SORCS2: variants seen among roughly 807,000 people sequenced by gnomAD.
SORCS2 encodes sortilin related VPS10 domain containing receptor 2.
In SORCS2, 100 loss-of-function variants were observed where a neutral mutation model predicts 141.6. The observed-to-expected ratio is 0.71, with a 90% confidence interval of 0.60 to 0.83. SORCS2 has a LOEUF of 0.83. Ranked by LOEUF, SORCS2 falls within the 40% of genes least tolerant of loss-of-function variation. SORCS2 has a pLI of 0.00. For synonymous variants in SORCS2, 789 were observed against 676.9 expected (o/e 1.17, Z -2.57); for missense variants, 1,646 against 1,560.2 (o/e 1.05, Z -0.93).
At chr4:7,723,317 G>A (rs1467577433) in intron 18 of SORCS2, among the ~76,000 whole-genome samples, 1 of 152,130 alleles carries the variant, frequency 6.6e-6, no homozygotes, top group Admixed American at 6.6e-5. Context: ...TCCTCGCAGT[G>A]GGAGGCCCCT....
At chr4:7,554,170 A>C (rs569620661) in intron 3 of SORCS2, among the ~76,000 whole-genome samples, 17 of 152,266 alleles carry the variant, frequency 1.1e-4, no homozygotes, top group African/African-American at 4.1e-4. Flanking sequence ...ACTACATATC[A>C]TGGGGAGGAC....
intron 4 of SORCS2, among the ~76,000 whole-genome samples, chr4:7,643,240 C>G (rs930560994): frequency 2.6e-5 from 4 of 152,170 alleles, no homozygotes; most frequent in Non-Finnish European, 5.9e-5. Context: ...TCTTCCAAGG[C>G]TCAGCCGACT....
Position 7,728,346 on chromosome 4 carries a change from C to T in SORCS2, c.2870-4C>T, listed in dbSNP as rs1235889714. The T allele has an allele frequency of 6.2e-7, 1 of 1,610,350 alleles. No individual in the cohort carries two copies. The highest frequency in any genetic ancestry group is 8.5e-7 in the Non-Finnish European group (1 of 1,177,362). On this transcript the variant is annotated splice_region_variant and splice_polypyrimidine_tract_variant and intron_variant, in intron 21 of 26. Transcript: ENST00000507866. Reference sequence around the variant, plus strand: ...ACCAGTCTCCCTTCTCTGCGTCTTTCCAGATCAATTTCAAGTCATGCCTCT... The same window carrying T: ...ACCAGTCTCCCTTCTCTGCGTCTTTTCAGATCAATTTCAAGTCATGCCTCT...
chr4:7,605,931 G>T (rs182774238), intron 3 of SORCS2, among the ~76,000 whole-genome samples: 1 of 152,286 alleles, frequency 6.6e-6, no homozygotes, highest in Admixed American at 6.5e-5. Context: ...CTCTGTGGAG[G>T]TGACCCCCAG....
intron 1 of SORCS2, among the ~76,000 whole-genome samples, chr4:7,254,515 C>G (rs966755144): frequency 1.3e-5 from 2 of 151,976 alleles, no homozygotes; most frequent in African/African-American, 4.8e-5. Context: ...AGTGGAGACT[C>G]GGATGGGTGG....
intron 2 of SORCS2, among the ~76,000 whole-genome samples, chr4:7,515,945 G>C (rs1243299915): frequency 6.6e-6 from 1 of 152,186 alleles, no homozygotes; most frequent in Admixed American, 6.5e-5. Context: ...ACTCATGGGA[G>C]GGGTCCAATG....
At chr4:7,688,577 C>T (rs965074759) in intron 10 of SORCS2, among the ~76,000 whole-genome samples, 5 of 152,164 alleles carry the variant, frequency 3.3e-5, no homozygotes, top group Admixed American at 6.5e-5. Context: ...GAAAGAAAGG[C>T]ACAGAGAGGC....
chr4:7,593,384 T>C (rs1053806018), intron 3 of SORCS2, among the ~76,000 whole-genome samples: 1 of 152,184 alleles, frequency 6.6e-6, no homozygotes, highest in Non-Finnish European at 1.5e-5. Context: ...CGGGAGGTAC[T>C]GTTGCAGTCT....
chr4:7,600,045 C>T (rs923533770), intron 3 of SORCS2, among the ~76,000 whole-genome samples: 1 of 152,068 alleles, frequency 6.6e-6, no homozygotes, highest in Non-Finnish European at 1.5e-5. Context: ...TGATCTTGAA[C>T]TCCTGACCTC....
At chr4:7,376,738 T>G (rs144212796) in intron 1 of SORCS2, among the ~76,000 whole-genome samples, 1 of 152,344 alleles carries the variant, frequency 6.6e-6, no homozygotes, top group East Asian at 1.9e-4. Context: ...TGAATAAACT[T>G]TTTACGACTT....
At chr4:7,362,518 C>T (rs1721638031) in intron 1 of SORCS2, among the ~76,000 whole-genome samples, 1 of 152,208 alleles carries the variant, frequency 6.6e-6, no homozygotes, top group Admixed American at 6.5e-5. Context: ...CAACACCCAT[C>T]TGGCCATTGG....
chr4:7,697,970 G>C (rs1311340159), intron 12 of SORCS2, among the ~76,000 whole-genome samples: 1 of 152,198 alleles, frequency 6.6e-6, no homozygotes, highest in Non-Finnish European at 1.5e-5. Context: ...TCGCAGACCA[G>C]AGGCAATGGT....
intron 1 of SORCS2, among the ~76,000 whole-genome samples, chr4:7,295,165 T>G (rs2108887126): frequency 1.6e-5 from 1 of 62,940 alleles, no homozygotes; most frequent in African/African-American, 7.6e-5. Flanking sequence ...TCCCTTTTAT[T>G]TTCTCCCCCC....
chr4:7,436,260 T>C (rs114402095), intron 2 of SORCS2, among the ~76,000 whole-genome samples: 1 of 152,334 alleles, frequency 6.6e-6, no homozygotes, highest in African/African-American at 2.4e-5. Flanking sequence ...GTGGGTGTCC[T>C]TACCTGGACT....
rs372065248 is a variant in SORCS2, at chr4:7,656,067, C to T, written c.887+1860C>T. 5.3e-5 allele frequency among the ~76,000 whole-genome samples: 8 copies of T among 152,354 alleles called. No homozygotes were observed. The East Asian group carries it at 1.4e-3, about 26-fold the overall frequency. ...TGGTGACAGCGGTGGGGATATCTCC[C>T]CTCCCCTTGTAAGCGGTGAATAATG... On this transcript the variant is annotated intron_variant, in intron 5 of 26. Coordinates refer to ENST00000507866, the MANE Select transcript of SORCS2 (RefSeq NM_020777.3).
At chr4:7,301,264 C>T (rs989310312) in intron 1 of SORCS2, among the ~76,000 whole-genome samples, 30 of 152,302 alleles carry the variant, frequency 2.0e-4, no homozygotes, top group Admixed American at 1.2e-3. Flanking sequence ...CTGTGCTAGA[C>T]GTTGAAGACA....
intron 3 of SORCS2, among the ~76,000 whole-genome samples, chr4:7,583,013 G>A (rs1716263044): frequency 8.6e-6 from 1 of 115,614 alleles, no homozygotes; most frequent in Non-Finnish European, 2.2e-5. Context: ...ATTCACATTT[G>A]TTGAAATGAA....
chr4:7,447,790 A>T (rs1728094201), intron 2 of SORCS2, among the ~76,000 whole-genome samples: 1 of 152,150 alleles, frequency 6.6e-6, no homozygotes, highest in Admixed American at 6.5e-5. Context: ...ACGACCCAGG[A>T]TGGAACGGAG....
In SORCS2 at chr4:7,192,599, C is replaced by A; in HGVS notation, c.-48C>A. On this transcript the variant is annotated 5_prime_UTR_variant, in exon 1 of 27. Transcript: ENST00000507866. The surrounding 1 kb of genome is among the most constrained non-coding windows in gnomAD (Gnocchi z 4.0). ...CTCCTGCTCTCCCGGCCGCGGTCCC[C>A]TCGTCCGCGCCGCCCCGCCGCCGGC... 1 of 987,282 alleles carries A rather than the reference C, an allele frequency of 1.0e-6. No individual in the cohort carries two copies. Among genetic ancestry groups the A allele is most frequent in the South Asian group, 4.5e-5 (1 of 22,090 alleles). The allele number at this position is 987,282 out of a possible 1,614,324, so 61.2% of individuals were successfully genotyped here. A position where few individuals can be genotyped will look rare whatever the true frequency, so the allele number is the denominator to read the frequency against.
Sources: allele counts gnomAD v4.1 joint callset (sites outside exome capture counted in the v4.1 genomes callset), GRCh38; gene constraint gnomAD v4.1.1; non-coding constraint Gnocchi (gnomAD v3.1); transcripts MANE v1.5; gene names NCBI Gene and HGNC (gene_info 2026-07-23, HGNC 2026-07-21).